CAPN8: variants seen among roughly 807,000 people sequenced by gnomAD.
CAPN8 encodes the protein calpain-8.
CAPN8 carries 87 observed loss-of-function variants against 80.9 expected under a neutral mutation model. The observed-to-expected ratio is 1.07, with a 90% CI of 0.90 to 1.28. The LOEUF is 1.28. CAPN8 is among the 50% of genes most tolerant of loss of function. The pLI, the probability that CAPN8 is intolerant of heterozygous loss-of-function variation, is 0.00. For synonymous variants in CAPN8, 299 were observed against 273.8 expected, an observed-to-expected ratio of 1.09 and a Z score of -0.91; for missense variants, 757 against 702.0, an observed-to-expected ratio of 1.08 and a Z score of -0.89.
chr1:223,615,092 G>T (rs932147433), intron 10 of CAPN8, among the ~76,000 whole-genome samples: 1 of 152,176 alleles, frequency 6.6e-6, no homozygotes, highest in Non-Finnish European at 1.5e-5. Context: ...ATAGGATCTC[G>T]ACCATTGCAC....
intron 13 of CAPN8, among the ~76,000 whole-genome samples, chr1:223,557,850 T>G (rs1656940721): frequency 6.6e-6 from 1 of 152,214 alleles, no homozygotes; most frequent in Non-Finnish European, 1.5e-5. Flanking sequence ...ACAGGACAGC[T>G]TAGGCACAGT....
chr1:223,660,597 C>T (rs994550318), intron 1 of CAPN8, among the ~76,000 whole-genome samples: 2 of 152,200 alleles, frequency 1.3e-5, no homozygotes, highest in South Asian at 2.1e-4. Flanking sequence ...TAGGCAGAAA[C>T]GCCCAGCAGG....
rs1354927040 is a variant in CAPN8 at position 223,630,743 on chromosome 1, AGG to A, written c.308-1965_308-1964del. Among the ~76,000 whole-genome samples the A allele has an allele frequency of 3.6e-3, 545 of 152,332 alleles. 3 individuals are homozygous for A. The highest frequency in any genetic ancestry group is 0.013 in the South Asian group (61 of 4,826). On this transcript the variant is annotated intron_variant, in intron 2 of 20. Transcript: ENST00000366872. Reference sequence around the variant, plus strand: ...CAAACACTATCTTCCTAATGGCAACAGGGCTCCTAGGTGAGACTAGACCTGGT... The same window carrying A: ...CAAACACTATCTTCCTAATGGCAACAGCTCCTAGGTGAGACTAGACCTGGT...
chr1:223,621,866 T>A (rs35022001), intron 7 of CAPN8, among the ~76,000 whole-genome samples: 9,336 of 152,062 alleles, frequency 0.061, 318 homozygotes, highest in South Asian at 0.093. Flanking sequence ...GCTAATTATT[T>A]TTTTTTTTTA....
At chr1:223,542,577 A>C (rs1656497472) in intron 20 of CAPN8, among the ~76,000 whole-genome samples, 1 of 152,168 alleles carries the variant, frequency 6.6e-6, no homozygotes, top group Admixed American at 6.5e-5. Context: ...GGACCCTTGG[A>C]GACATCTCCA....
At chr1:223,623,634 C>A (rs969365989) in intron 6 of CAPN8, among the ~76,000 whole-genome samples, 1 of 152,130 alleles carries the variant, frequency 6.6e-6, no homozygotes, top group Non-Finnish European at 1.5e-5. Flanking sequence ...CTGTGTATCC[C>A]CCAACTCACC....
chr1:223,548,563 G>A (rs1460275020), intron 16 of CAPN8, among the ~76,000 whole-genome samples: 1 of 152,144 alleles, frequency 6.6e-6, no homozygotes, highest in African/African-American at 2.4e-5. Context: ...GGAACCCCAG[G>A]AAACTCCCTC....
chr1:223,548,050 G>T (rs988798146), intron 16 of CAPN8, among the ~76,000 whole-genome samples: 5 of 152,144 alleles, frequency 3.3e-5, no homozygotes, highest in African/African-American at 7.2e-5. Flanking sequence ...CCACGCAGAG[G>T]TGGGCACACA....
intron 7 of CAPN8, among the ~76,000 whole-genome samples, chr1:223,621,528 C>G (rs1263455830): frequency 6.6e-6 from 1 of 152,112 alleles, no homozygotes; most frequent in Non-Finnish European, 1.5e-5. Context: ...TCACGTGGCC[C>G]TGTCATCCTT....
chr1:223,626,916 T>C, intron 5 of CAPN8, 73 bp downstream of exon 5: 2 of 1,484,102 alleles, frequency 1.3e-6, no homozygotes, highest in Non-Finnish European at 1.8e-6. Context: ...TCTCCCGCTG[T>C]CTCATCCCTT....
At position 223,619,326 on chromosome 1, in the gene CAPN8, C is replaced by T; in HGVS notation, c.1102G>A (p.Gly368Ser). ...LVLFNGHWTR[G>S]STAGGCQNYP... ...TTCTGGCAGCCCCCAGCTGTGGAGCCCCGGGTCCAGTGGCCGTTGAACAGG... is the reference window on the plus strand; with the variant it reads ...TTCTGGCAGCCCCCAGCTGTGGAGCTCCGGGTCCAGTGGCCGTTGAACAGG... Residue 368 changes from glycine to serine, a missense_variant, in exon 9 of 21, where the codon GGC (glycine) becomes AGC (serine). Physicochemically the swap from Gly to Ser is moderately conservative, Grantham distance 56 (BLOSUM62 0). Coordinates refer to ENST00000366872, the MANE Select transcript of CAPN8 (RefSeq NM_001143962.2). 5 of 1,551,688 alleles carry T rather than the reference C, an allele frequency of 3.2e-6. No individual in the cohort carries two copies. The highest frequency in any genetic ancestry group is 4.4e-6 in the Non-Finnish European group (5 of 1,147,010).
intron 1 of CAPN8, among the ~76,000 whole-genome samples, chr1:223,661,776 T>A (rs1658652405): frequency 6.6e-6 from 1 of 152,170 alleles, no homozygotes; most frequent in African/African-American, 2.4e-5. Flanking sequence ...AACTTGAACG[T>A]AGAACTGCCA....
chr1:223,646,492 G>A (rs1440758068), intron 2 of CAPN8, among the ~76,000 whole-genome samples: 6 of 152,188 alleles, frequency 3.9e-5, no homozygotes, highest in East Asian at 3.8e-4. Context: ...CTGCTTCTGC[G>A]CCAGCCTGCC....
At chr1:223,646,256 T>C (rs959771902) in intron 2 of CAPN8, among the ~76,000 whole-genome samples, 19 of 152,380 alleles carry the variant, frequency 1.2e-4, no homozygotes, top group African/African-American at 4.6e-4. Context: ...GGGTATCACC[T>C]GTCCTTTCTC....
intron 7 of CAPN8, among the ~76,000 whole-genome samples, chr1:223,621,871 T>C (rs1657403924): frequency 6.6e-6 from 1 of 152,142 alleles, no homozygotes; most frequent in Non-Finnish European, 1.5e-5. Context: ...TTATTTTTTT[T>C]TTTTAAATGG....
chr1:223,620,412 T>C, intron 7 of CAPN8, 146 bp from the exon 8 acceptor site: 3 of 689,634 alleles, frequency 4.4e-6, no homozygotes, highest in Non-Finnish European at 2.5e-6. Context: ...ATGGACAGTG[T>C]GGCGCGAGCA....
chr1:223,665,639 G>A lies in CAPN8; in HGVS notation c.8C>T (p.Ala3Val). MA[A>V]QAAGVSRQRA... ...CTGCCTAGATACACCAGCTGCCTGG[G>A]CTGCCATGGCCGTGGGCTCTGTAGG... is the stretch of plus-strand genomic sequence containing the variant. Residue 3 changes from alanine to valine, a missense_variant, in exon 1 of 21, where the codon GCC (alanine) becomes GTC (valine). By Grantham distance (64) the Ala-to-Val change is moderately conservative. Transcript: ENST00000366872. 1 of 1,551,230 alleles carries A rather than the reference G, an allele frequency of 6.4e-7. No individual in the cohort carries two copies. Among genetic ancestry groups the A allele is most frequent in the African/African-American group, 1.4e-5 (1 of 73,158 alleles).
chr1:223,552,772 T>C lies in CAPN8; in HGVS notation c.1641+1060A>G, dbSNP rs908138779. Among the ~76,000 whole-genome samples, 892 of 152,152 alleles carry C rather than the reference T, an allele frequency of 5.9e-3. 44 individuals carry two copies. In the South Asian group the frequency reaches 0.095, roughly 16 times the overall value. ...CAAGCCGAGCAAGGAGAGTGACCAA[T>C]ACTGCCCCATGCAGCCAGAGAGAAA... On this transcript the variant is annotated intron_variant, in intron 14 of 20. Transcript: ENST00000366872.
chr1:223,554,800 G>T (rs1474584323), intron 13 of CAPN8, among the ~76,000 whole-genome samples: 1 of 152,164 alleles, frequency 6.6e-6, no homozygotes, highest in African/African-American at 2.4e-5. Context: ...CCATTTTCAT[G>T]GGGCCATTTT....
Sources: allele counts gnomAD v4.1 joint callset (sites outside exome capture counted in the v4.1 genomes callset), GRCh38; gene constraint gnomAD v4.1.1; transcripts MANE v1.5; gene names NCBI Gene and HGNC (gene_info 2026-07-23, HGNC 2026-07-21).